Variants in C19orf38 observed in about 807,000 individuals in gnomAD.
C19orf38 encodes protein HIDE1.
Under a neutral mutation model 26.6 loss-of-function variants are expected in C19orf38, and 14 were observed. The ratio of observed to expected loss-of-function variants is 0.53; its 90% CI spans 0.35 to 0.82. C19orf38 has a LOEUF of 0.82. Among genes scored for constraint, C19orf38 ranks in the 40% least tolerant of loss-of-function variants. The pLI is 0.01. For missense variants in C19orf38, 261 were observed against 299.5 expected (o/e 0.87, Z 0.95); for synonymous variants, 132 against 128.5 (o/e 1.03, Z -0.18).
intron 5 of C19orf38, among the ~76,000 whole-genome samples, chr19:10,861,814 G>C (rs554407678): frequency 6.6e-6 from 1 of 152,006 alleles, no homozygotes; most frequent in South Asian, 2.1e-4. Flanking sequence ...ATGACCTCAG[G>C]TGATCCACCC....
At chr19:10,856,382 A>T (rs1243668350) in intron 3 of C19orf38, 25 bp downstream of exon 3, 2 of 1,535,310 alleles carry the variant, frequency 1.3e-6, no homozygotes, top group East Asian at 2.5e-5. Flanking sequence ...AGCCTGGCAC[A>T]CAAGTTGCCA....
intron 1 of C19orf38, among the ~76,000 whole-genome samples, chr19:10,843,164 G>A (rs891221268): frequency 2.0e-5 from 3 of 152,190 alleles, no homozygotes; most frequent in Non-Finnish European, 2.9e-5. Context: ...CCACTCAAAG[G>A]TGGGTCCAAC....
At chr19:10,856,711 C>G (rs1056201123) in intron 3 of C19orf38, among the ~76,000 whole-genome samples, 41 of 151,770 alleles carry the variant, frequency 2.7e-4, no homozygotes, top group Non-Finnish European at 5.0e-4. Flanking sequence ...GCCATGTTGC[C>G]CAAGCTGGTC....
chr19:10,838,920 CTT>C (rs975765401), intron 1 of C19orf38, among the ~76,000 whole-genome samples: 2 of 143,564 alleles, frequency 1.4e-5, no homozygotes, highest in African/African-American at 2.5e-5. Context: ...CTTTTTTTTT[CTT>C]TTTTTTTTTT....
At chr19:10,853,174 CT>C (rs1291368320) in intron 2 of C19orf38, among the ~76,000 whole-genome samples, 1 of 151,798 alleles carries the variant, frequency 6.6e-6, no homozygotes, top group Non-Finnish European at 1.5e-5. Flanking sequence ...TCAATCTTCC[CT>C]TCTCAGTCTC....
intron 2 of C19orf38, among the ~76,000 whole-genome samples, chr19:10,855,401 G>A (rs184293345): frequency 9.9e-5 from 15 of 152,004 alleles, no homozygotes; most frequent in East Asian, 7.8e-4. Context: ...GCAGTAGCAC[G>A]ATCTCAGCTC....
chr19:10,851,974 C>T (rs79477528), intron 2 of C19orf38, among the ~76,000 whole-genome samples: 2 of 48,544 alleles, frequency 4.1e-5, no homozygotes, highest in Admixed American at 2.3e-4. Context: ...GACTCCGTCT[C>T]AAAAAAAAAA....
At chr19:10,852,348 C>T (rs1048747936) in intron 2 of C19orf38, among the ~76,000 whole-genome samples, 3 of 152,120 alleles carry the variant, frequency 2.0e-5, no homozygotes, top group Admixed American at 2.0e-4. Flanking sequence ...GCTGACATTC[C>T]AGGCGGATGA....
chr19:10,858,397 TC>T, intron 4 of C19orf38, 54 bp downstream of exon 4: 1 of 1,493,632 alleles, frequency 6.7e-7, no homozygotes, highest in Middle Eastern at 1.7e-4. Flanking sequence ...GAAGGACACT[TC>T]CCTGGCAGGG....
At chr19:10,866,453 G>A (rs1233024378) in intron 6 of C19orf38, among the ~76,000 whole-genome samples, 1 of 144,536 alleles carries the variant, frequency 6.9e-6, no homozygotes, top group Admixed American at 7.3e-5. Context: ...TGATCCACCT[G>A]CCTCAGCCTC....
intron 6 of C19orf38, among the ~76,000 whole-genome samples, chr19:10,868,604 C>T (rs2073774697): frequency 6.6e-6 from 1 of 152,208 alleles, no homozygotes. Flanking sequence ...ACCTTCACCT[C>T]CTGGGTTCAG....
At chr19:10,867,081 T>C (rs2073758782) in intron 6 of C19orf38, among the ~76,000 whole-genome samples, 1 of 151,570 alleles carries the variant, frequency 6.6e-6, no homozygotes, top group Non-Finnish European at 1.5e-5. Context: ...TGAGCCACCG[T>C]GCCCGGCCCA....
At position 10,869,109 on chromosome 19, in the gene C19orf38, G is replaced by A; in HGVS notation, c.544-109G>A. 5.0e-6 allele frequency: 7 copies of A among 1,407,678 alleles called. No individual in the cohort carries two copies. In the South Asian group the frequency reaches 5.0e-5, roughly 10 times the overall value. 87.2% of individuals were successfully genotyped at this position (1,407,678 alleles called of 1,614,324 possible). A position where few individuals can be genotyped will look rare whatever the true frequency, so the allele number is the denominator to read the frequency against. On this transcript the variant is annotated intron_variant, in intron 6 of 6. Transcript: ENST00000397820. ...AGGTGGGTGTGGGTGGGGGCGGGATGAGAGGAGACCTGCTGGGCTGGCAGA... is the reference window on the plus strand; with the variant it reads ...AGGTGGGTGTGGGTGGGGGCGGGATAAGAGGAGACCTGCTGGGCTGGCAGA...
intron 1 of C19orf38, 35 bp from the exon 2 acceptor site, chr19:10,850,224 C>T: frequency 6.6e-7 from 1 of 1,515,036 alleles, no homozygotes. Context: ...TCCACTCTCA[C>T]CACGCACCCA....
At chr19:10,865,095 C>G (rs910803816) in intron 6 of C19orf38, among the ~76,000 whole-genome samples, 1 of 152,160 alleles carries the variant, frequency 6.6e-6, no homozygotes, top group African/African-American at 2.4e-5. Flanking sequence ...ATCCACACCG[C>G]ACAGAACACC....
intron 5 of C19orf38, among the ~76,000 whole-genome samples, chr19:10,862,834 C>T (rs1484875383): frequency 6.7e-6 from 1 of 150,206 alleles, no homozygotes; most frequent in African/African-American, 2.4e-5. Flanking sequence ...TTCTCAAAAA[C>T]AAGAAAAAAA....
chr19:10,863,049 G>C, intron 5 of C19orf38, 121 bp from the exon 6 acceptor site: 2 of 989,522 alleles, frequency 2.0e-6, no homozygotes, highest in Non-Finnish European at 3.1e-6. Context: ...CGCCATAGAG[G>C]ATGCTGGGAG....
chr19:10,840,512 T>G (rs1910528076), intron 1 of C19orf38, among the ~76,000 whole-genome samples: 1 of 151,920 alleles, frequency 6.6e-6, no homozygotes, highest in Non-Finnish European at 1.5e-5. Context: ...TTTGTTTTTG[T>G]TTTTGTTTTT....
chr19:10,846,492 T>C (rs949976835), upstream of C19orf38, among the ~76,000 whole-genome samples: 5 of 151,952 alleles, frequency 3.3e-5, no homozygotes, highest in African/African-American at 7.3e-5. Flanking sequence ...GAAGAGCCAA[T>C]TGAACATAAG....
Sources: gnomAD v4.1 joint callset for allele counts (sites outside exome capture counted in the v4.1 genomes callset) on GRCh38, gnomAD v4.1.1 for gene constraint, MANE v1.5 for transcripts, NCBI Gene and HGNC (gene_info 2026-07-23, HGNC 2026-07-21) for gene names.